GPBP1L1: variants seen among roughly 807,000 people sequenced by gnomAD.
GPBP1L1 encodes the protein vasculin-like protein 1.
GPBP1L1 carries 23 observed loss-of-function variants against 52.5 expected under a neutral mutation model. The observed-to-expected ratio is 0.44, with a 90% CI of 0.32 to 0.62. GPBP1L1 has a LOEUF of 0.62. Ranked by LOEUF, GPBP1L1 falls within the 20% of genes least tolerant of loss-of-function variation. GPBP1L1 has a pLI of 0.06. For missense variants in GPBP1L1, 596 were observed against 579.3 expected (o/e 1.03, Z -0.30); for synonymous variants, 243 against 203.1 (o/e 1.20, Z -1.67).
upstream of GPBP1L1, chr1:45,686,652 C>G (rs908441545): frequency 1.3e-5 from 2 of 152,364 alleles, no homozygotes; most frequent in Non-Finnish European, 2.9e-5. Context: ...GAAGCGCATG[C>G]GCAAGGGACT....
intron 6 of GPBP1L1, among the ~76,000 whole-genome samples, chr1:45,648,802 C>T (rs4443927): frequency 2.6e-5 from 4 of 152,148 alleles, no homozygotes; most frequent in Admixed American, 6.5e-5. Context: ...CTGAGGCAGG[C>T]GGATCACTTG....
intron 6 of GPBP1L1, 149 bp from the exon 7 acceptor site, chr1:45,642,648 T>C: frequency 1.5e-6 from 1 of 646,708 alleles, no homozygotes. Context: ...TTCAGAAACG[T>C]AACAAACAGA....
At chr1:45,665,540 A>G (rs1223484845) in intron 2 of GPBP1L1, among the ~76,000 whole-genome samples, 1 of 152,048 alleles carries the variant, frequency 6.6e-6, no homozygotes, top group Non-Finnish European at 1.5e-5. Context: ...CACAAGTTCG[A>G]GACCAGCCCG....
chr1:45,628,514 G>A (rs1644487069), intron 12 of GPBP1L1, 106 bp from the exon 13 acceptor site: 10 of 1,022,770 alleles, frequency 9.8e-6, no homozygotes, highest in Non-Finnish European at 1.4e-5. Context: ...TAGGTAGAAT[G>A]TGGGGCGGGG....
In GPBP1L1 at chr1:45,654,799, T is replaced by C. The variant is rs372560650; in HGVS notation, c.221A>G (p.His74Arg). 3 of 1,614,004 alleles carry C rather than the reference T, an allele frequency of 1.9e-6. No homozygotes were observed. The highest frequency in any genetic ancestry group is 2.2e-5 in the East Asian group (1 of 44,896). The change falls in exon 6 of 13, where the codon CAT becomes CGT. Residue 74 changes from histidine (H) to arginine (R), a missense_variant. Transcript: ENST00000355105. ...AGAGACACCAGAGTCCACAGAATCA[T>C]GGCGGAACAGGGAGGGCTGGTGCCA... The part of the protein sequence containing the change: ...DSWHQPSLFR[H>R]DSVDSGVSKG...
At chr1:45,651,316 A>T (rs1019937217) in intron 6 of GPBP1L1, 7 of 380,716 alleles carry the variant, frequency 1.8e-5, no homozygotes, top group African/African-American at 1.5e-4. Context: ...GACACAGGGC[A>T]GGTAGGAAGA....
chr1:45,632,558 A>T (rs976020198), intron 10 of GPBP1L1, among the ~76,000 whole-genome samples: 5 of 152,050 alleles, frequency 3.3e-5, no homozygotes, highest in Admixed American at 6.6e-5. Context: ...TCTACTAAGA[A>T]TACAAAAATT....
intron 6 of GPBP1L1, among the ~76,000 whole-genome samples, chr1:45,650,554 C>T (rs1253927093): frequency 3.3e-5 from 5 of 152,130 alleles, no homozygotes; most frequent in African/African-American, 7.2e-5. Context: ...GTTAATTACA[C>T]GAAACCAATA....
At chr1:45,655,396 C>T in intron 4 of GPBP1L1, 77 bp from the exon 5 acceptor site, 1 of 1,489,462 alleles carries the variant, frequency 6.7e-7, no homozygotes, top group Admixed American at 1.9e-5. Context: ...GGCTTTGCAT[C>T]AGGCCTTCAA....
At chr1:45,651,691 C>A (rs951407339) in intron 6 of GPBP1L1, 9 of 588,680 alleles carry the variant, frequency 1.5e-5, no homozygotes, top group Non-Finnish European at 2.7e-5. Context: ...CTCTTTTGGG[C>A]TGGGTGTCCT....
intron 7 of GPBP1L1, chr1:45,641,820 A>T (rs1024739649): frequency 6.6e-6 from 1 of 151,588 alleles, no homozygotes; most frequent in African/African-American, 2.4e-5. Context: ...ATCTCAAAAA[A>T]AAAAAAAAAA....
intron 2 of GPBP1L1, among the ~76,000 whole-genome samples, chr1:45,680,324 C>T (rs1041323499): frequency 1.3e-5 from 2 of 150,860 alleles, no homozygotes; most frequent in African/African-American, 4.9e-5. Context: ...CTGCAACCAC[C>T]ACCTCCCAGG....
chr1:45,642,887 G>A (rs982924391), intron 6 of GPBP1L1, among the ~76,000 whole-genome samples: 2 of 152,184 alleles, frequency 1.3e-5, no homozygotes, highest in African/African-American at 4.8e-5. Flanking sequence ...TCAGTGAAAT[G>A]TATAGTATTC....
chr1:45,657,236 T>C (rs1644895811), intron 4 of GPBP1L1, among the ~76,000 whole-genome samples: 1 of 152,130 alleles, frequency 6.6e-6, no homozygotes, highest in African/African-American at 2.4e-5. Flanking sequence ...TTAAGACAAT[T>C]TGAAATGATG....
At position 45,628,372 on chromosome 1, in the gene GPBP1L1, G is replaced by C. The variant is rs751125930; in HGVS notation, c.1309C>G (p.Gln437Glu). Residue 437 changes from glutamine to glutamate, a missense_variant, in exon 13 of 13, where the codon CAG becomes GAG. Coordinates refer to ENST00000355105, the MANE Select transcript of GPBP1L1 (RefSeq NM_021639.5). Reference protein sequence around the residue: ...RNGFGKNGFLQSRSSSLFSPW... With the variant: ...RNGFGKNGFLESRSSSLFSPW... ...GAGAACAGACTGGAACTGCGGCTCTGCAAGAAGCCATTCTTTCCAAAGCCA... is the reference window on the plus strand; with the variant it reads ...GAGAACAGACTGGAACTGCGGCTCTCCAAGAAGCCATTCTTTCCAAAGCCA... 9.3e-6 allele frequency: 15 copies of C among 1,613,900 alleles called. No individual in the cohort carries two copies. Among genetic ancestry groups the C allele is most frequent in the Admixed American group, 1.7e-5 (1 of 59,992 alleles).
Position 45,634,158 on chromosome 1 carries a change from G to A in GPBP1L1, c.823C>T (p.Pro275Ser). Reference sequence around the variant, plus strand: ...ACCACTGGTTTGGTAACAGAGATTGGACTGGTAAAAGCAGACTCCCGGCTA... The same window carrying A: ...ACCACTGGTTTGGTAACAGAGATTGAACTGGTAAAAGCAGACTCCCGGCTA... ...SSSRESAFTSPISVTKPVVLA... is the reference protein window; with the variant it reads ...SSSRESAFTSSISVTKPVVLA... Residue 275 changes from proline (P) to serine (S), a missense_variant, in exon 9 of 13, where the codon CCA becomes TCA. Transcript: ENST00000355105. 6.2e-7 allele frequency: 1 copy of A among 1,614,008 alleles called. No individual in the cohort carries two copies. The highest frequency in any genetic ancestry group is 8.5e-7 in the Non-Finnish European group (1 of 1,179,916).
chr1:45,675,123 C>T (rs1435868993), intron 2 of GPBP1L1, among the ~76,000 whole-genome samples: 1 of 152,040 alleles, frequency 6.6e-6, no homozygotes, highest in African/African-American at 2.4e-5. Context: ...ATGGTGAAAT[C>T]CCGTCTCTAC....
intron 8 of GPBP1L1, among the ~76,000 whole-genome samples, chr1:45,639,309 G>C (rs1644637735): frequency 6.6e-6 from 1 of 152,146 alleles, no homozygotes; most frequent in Non-Finnish European, 1.5e-5. Flanking sequence ...TCCTGAACAA[G>C]GACAGCATAG....
chr1:45,667,772 CAG>C (rs1305760329), intron 2 of GPBP1L1, among the ~76,000 whole-genome samples: 4 of 152,304 alleles, frequency 2.6e-5, no homozygotes, highest in African/African-American at 4.8e-5. Flanking sequence ...TTCTTTGAGA[CAG>C]AGTCTCATTG....
Sources: allele counts gnomAD v4.1 joint callset (sites outside exome capture counted in the v4.1 genomes callset), GRCh38; gene constraint gnomAD v4.1.1; transcripts MANE v1.5; gene names NCBI Gene and HGNC (gene_info 2026-07-23, HGNC 2026-07-21).